The following GREB1L variants were observed in gnomAD, a reference collection of about 807,000 sequenced individuals.
GREB1L encodes the protein GREB1-like protein.
GREB1L carries 17 observed loss-of-function variants against 200.8 expected under a neutral mutation model. The observed-to-expected ratio is 0.08, with a 90% CI of 0.06 to 0.13. The LOEUF (loss-of-function observed/expected upper bound fraction) is 0.13, where lower values mean the gene tolerates loss of function less well. Ranked by LOEUF, GREB1L falls within the 10% of genes least tolerant of loss-of-function variation. The pLI, the probability that GREB1L is intolerant of heterozygous loss-of-function variation, is 1.00. For missense variants in GREB1L, 1,657 were observed against 2,367.7 expected (o/e 0.70, Z 6.23); for synonymous variants, 789 against 893.0 (o/e 0.88, Z 2.08).
At chr18:21,272,620 A>T (rs1318106281) in intron 1 of GREB1L, among the ~76,000 whole-genome samples, 1 of 152,190 alleles carries the variant, frequency 6.6e-6, no homozygotes, top group Non-Finnish European at 1.5e-5. Flanking sequence ...TTATTTCCAA[A>T]ACACCTTCCT....
At chr18:21,259,052 C>A (rs1033500602) in intron 1 of GREB1L, among the ~76,000 whole-genome samples, 3 of 152,054 alleles carry the variant, frequency 2.0e-5, no homozygotes, top group African/African-American at 2.4e-5. Context: ...ACAGTGTGGG[C>A]TTATTTTAGA....
chr18:21,492,543 A>C (rs2036383959), intron 19 of GREB1L, among the ~76,000 whole-genome samples: 1 of 152,022 alleles, frequency 6.6e-6, no homozygotes, highest in Admixed American at 6.6e-5. Flanking sequence ...GCCAGTCACT[A>C]AGTCAGTATA....
At chr18:21,474,096 C>T (rs1041682044) in intron 16 of GREB1L, among the ~76,000 whole-genome samples, 5 of 152,156 alleles carry the variant, frequency 3.3e-5, no homozygotes, top group Admixed American at 2.6e-4. Flanking sequence ...CAAACCATAT[C>T]TTTCTGCCCC....
intron 1 of GREB1L, among the ~76,000 whole-genome samples, chr18:21,322,893 G>A (rs1417661299): frequency 1.3e-5 from 2 of 152,038 alleles, no homozygotes; most frequent in Non-Finnish European, 2.9e-5. Context: ...ATATTTAAGT[G>A]TAAAACTTAT....
At chr18:21,284,456 T>G (rs2038321654) in intron 1 of GREB1L, among the ~76,000 whole-genome samples, 1 of 152,188 alleles carries the variant, frequency 6.6e-6, no homozygotes, top group Non-Finnish European at 1.5e-5. Flanking sequence ...GACGGGCTTC[T>G]TTTACTGAAC....
intron 16 of GREB1L, 86 bp from the exon 17 acceptor site, chr18:21,477,078 A>G (rs763197734): frequency 3.4e-5 from 29 of 843,356 alleles, no homozygotes; most frequent in Non-Finnish European, 4.4e-5. Flanking sequence ...AAAAATAAAA[A>G]CTAAAACAGT....
chr18:21,392,016 G>T (rs2144280589), intron 4 of GREB1L, among the ~76,000 whole-genome samples: 1 of 152,224 alleles, frequency 6.6e-6, no homozygotes, highest in South Asian at 2.1e-4. Context: ...CGCCATGTTG[G>T]CCAGGCTGGA....
chr18:21,303,756 C>T (rs189461899), intron 1 of GREB1L, among the ~76,000 whole-genome samples: 3 of 152,236 alleles, frequency 2.0e-5, no homozygotes, highest in Admixed American at 6.5e-5. Flanking sequence ...AAATTTAACA[C>T]GTTTGCTTTT....
chr18:21,450,173 C>T (rs2034449895), intron 12 of GREB1L, among the ~76,000 whole-genome samples: 1 of 152,168 alleles, frequency 6.6e-6, no homozygotes, highest in African/African-American at 2.4e-5. Flanking sequence ...CCACAGGTGG[C>T]CTAAGCCAGT....
chr18:21,427,535 G>C (rs1181414938), intron 7 of GREB1L, among the ~76,000 whole-genome samples: 1 of 151,938 alleles, frequency 6.6e-6, no homozygotes, highest in Non-Finnish European at 1.5e-5. Context: ...AACCAACAAT[G>C]GTTTGTAGTT....
chr18:21,474,903 ACTTT>A (rs957371759), intron 16 of GREB1L, among the ~76,000 whole-genome samples: 1 of 152,078 alleles, frequency 6.6e-6, no homozygotes, highest in African/African-American at 2.4e-5. Flanking sequence ...ATCTCATGAG[ACTTT>A]CTTTATCACA....
intron 15 of GREB1L, among the ~76,000 whole-genome samples, chr18:21,455,653 G>C (rs1187787195): frequency 1.3e-5 from 2 of 151,390 alleles, no homozygotes; most frequent in South Asian, 2.1e-4. Context: ...GTCCAGTCTG[G>C]GTGACAGAGT....
Position 21,439,517 on chromosome 18 carries a change from A to G in GREB1L, c.833-4A>G, listed in dbSNP as rs1228686368. 6.6e-6 allele frequency: 10 copies of G among 1,516,952 alleles called. No individual in the cohort carries two copies. The East Asian group carries it at 2.5e-4, about 37-fold the overall frequency. 94.0% of individuals were successfully genotyped at this position (1,516,952 alleles called of 1,614,324 possible). ...CTGAGCACTCCTCTCCTTGTGTTCT[A>G]CAGATGCTGCTAATGGAAACAGTAG... is the stretch of plus-strand genomic sequence containing the variant. On this transcript the variant is annotated splice_region_variant and splice_polypyrimidine_tract_variant and intron_variant, in intron 7 of 32. Transcript: ENST00000424526.
chr18:21,485,640 G>C lies in GREB1L; in HGVS notation c.2577G>C (p.Glu859Asp). ...LDTGEDVGCE[E>D]KLYFGLSEYS... is the part of the protein sequence containing the mutation. The stretch of plus-strand genomic sequence containing the variant: ...ACCAGGAGGACGTGGGCTGCGAGGA[G>C]AAGCTGTACTTTGGCTTGAGTGAGT... Residue 859 changes from glutamate (E) to aspartate (D), a missense_variant, in exon 18 of 33, where the codon GAG becomes GAC. By Grantham distance (45) the Glu-to-Asp change is conservative. Around this residue, in one of 9 missense-constraint regions of GREB1L, gnomAD observed 239 missense variants for 421.8 expected, o/e 0.57. Transcript: ENST00000424526. 6.4e-7 allele frequency: 1 copy of C among 1,551,530 alleles called. No homozygotes were observed. The highest frequency in any genetic ancestry group is 8.7e-7 in the Non-Finnish European group (1 of 1,146,906).
intron 7 of GREB1L, among the ~76,000 whole-genome samples, chr18:21,435,645 G>A (rs1312053031): frequency 6.6e-6 from 1 of 152,190 alleles, no homozygotes; most frequent in South Asian, 2.1e-4. Context: ...GAAAAGAAGG[G>A]AAGGGGGAAA....
At chr18:21,382,737 C>G (rs1302394379) in intron 2 of GREB1L, among the ~76,000 whole-genome samples, 1 of 151,972 alleles carries the variant, frequency 6.6e-6, no homozygotes, top group African/African-American at 2.4e-5. Context: ...GTCACCTGCC[C>G]CAGCCTCCCA....
chr18:21,319,734 G>A (rs908208673), intron 1 of GREB1L, among the ~76,000 whole-genome samples: 14 of 152,200 alleles, frequency 9.2e-5, no homozygotes, highest in African/African-American at 3.4e-4. Context: ...GGCTTAGAGG[G>A]GAGAGCCCTG....
chr18:21,322,313 G>T (rs1162742881), intron 1 of GREB1L, among the ~76,000 whole-genome samples: 2 of 152,086 alleles, frequency 1.3e-5, no homozygotes, highest in Non-Finnish European at 2.9e-5. Context: ...TCTCAACTGG[G>T]GATGACTTTG....
intron 21 of GREB1L, 126 bp downstream of exon 21, chr18:21,496,824 C>T: frequency 1.0e-6 from 1 of 988,142 alleles, no homozygotes; most frequent in Non-Finnish European, 1.5e-6. Flanking sequence ...GGACTGGCAT[C>T]CTCTCCAGAC....
Sources: allele counts gnomAD v4.1 joint callset (sites outside exome capture counted in the v4.1 genomes callset), GRCh38; gene constraint gnomAD v4.1.1; regional missense constraint gnomAD v4.1.1; transcripts MANE v1.5; gene names NCBI Gene and HGNC (gene_info 2026-07-23, HGNC 2026-07-21).